Variants in GAK observed in about 807,000 individuals in gnomAD.
GAK encodes cyclin G associated kinase.
Under a neutral mutation model 143.9 loss-of-function variants are expected in GAK, and 79 were observed. That is an observed-to-expected ratio of 0.55 (90% CI 0.46 to 0.66). GAK has a LOEUF of 0.66. Ranked by LOEUF, GAK falls within the 30% of genes least tolerant of loss-of-function variation. The pLI is 0.00. For synonymous variants in GAK, 881 were observed against 765.5 expected, an observed-to-expected ratio of 1.15 and a Z score of -2.49; for missense variants, 1,693 against 1,779.7, an observed-to-expected ratio of 0.95 and a Z score of 0.88.
At chr4:876,714 G>T in intron 17 of GAK, 105 bp from the exon 18 acceptor site, 2 of 986,356 alleles carry the variant, frequency 2.0e-6, no homozygotes, top group Non-Finnish European at 3.2e-6. Context: ...GGCTCATGGT[G>T]CTGGAGGCAT....
At chr4:882,193 C>T (rs1277541902) in intron 14 of GAK, among the ~76,000 whole-genome samples, 153 bp from the exon 15 acceptor site, 1 of 152,226 alleles carries the variant, frequency 6.6e-6, no homozygotes, top group Non-Finnish European at 1.5e-5. Context: ...ACATAACGTG[C>T]CTGCCGAGGC....
intron 24 of GAK, among the ~76,000 whole-genome samples, chr4:858,966 G>A (rs1411044859): frequency 6.6e-6 from 1 of 152,196 alleles, no homozygotes; most frequent in Non-Finnish European, 1.5e-5. Context: ...CATTCCACCC[G>A]ACGGCCAGGC....
chr4:883,953 C>G, intron 12 of GAK, 84 bp downstream of exon 12: 1 of 1,319,402 alleles, frequency 7.6e-7, no homozygotes, highest in South Asian at 1.2e-5. Flanking sequence ...GCAGAGGCAC[C>G]TGTGCCCTGA....
intron 1 of GAK, among the ~76,000 whole-genome samples, chr4:929,425 T>A (rs1177295806): frequency 6.6e-6 from 1 of 152,158 alleles, no homozygotes; most frequent in Middle Eastern, 3.2e-3. Flanking sequence ...GAAGGTGGAT[T>A]TCCCTGCAGT....
chr4:868,790 G>C (rs1711633390), intron 19 of GAK, 105 bp from the exon 20 acceptor site: 1 of 1,177,026 alleles, frequency 8.5e-7, no homozygotes. Flanking sequence ...CAGCACCGTG[G>C]CAGGCCAGGC....
In GAK at chr4:875,463, C is replaced by A. The variant is rs201008105; in HGVS notation, c.2054+1067G>T. On this transcript the variant is annotated intron_variant, in intron 18 of 27. Transcript: ENST00000314167. ...CCTGAGCTCACCCAGGCCAGGCCAG[C>A]ACCCCTCCCAAGGTGCAGAGTCCGC... 1.6e-4 allele frequency among the ~76,000 whole-genome samples: 24 copies of A among 152,378 alleles called. No homozygotes were observed. In the East Asian group the frequency reaches 4.4e-3, roughly 28 times the overall value.
chr4:926,309 T>C (rs972865376), intron 1 of GAK, among the ~76,000 whole-genome samples: 7 of 152,306 alleles, frequency 4.6e-5, no homozygotes, highest in South Asian at 2.1e-4. Context: ...TGAAGTGGTG[T>C]TGGCCTGTCA....
intron 4 of GAK, among the ~76,000 whole-genome samples, chr4:905,353 A>G (rs962810704): frequency 1.3e-5 from 2 of 152,202 alleles, no homozygotes; most frequent in Admixed American, 1.3e-4. Flanking sequence ...ACTTGCAGTC[A>G]CGACTCTCTA....
At chr4:912,198 G>C (rs1281569741) in intron 3 of GAK, 1 of 454,950 alleles carries the variant, frequency 2.2e-6, no homozygotes, top group Admixed American at 2.3e-5. Flanking sequence ...GAGAGGCAGA[G>C]TCTGAGGGCA....
At chr4:913,723 G>T in intron 1 of GAK, 55 bp from the exon 2 acceptor site, 1 of 1,435,436 alleles carries the variant, frequency 7.0e-7, no homozygotes, top group South Asian at 1.2e-5. Context: ...TAACATATCA[G>T]GCTTTAAAAA....
At chr4:851,168 GCT>G in intron 25 of GAK, 84 bp from the exon 26 acceptor site, 1 of 1,221,458 alleles carries the variant, frequency 8.2e-7, no homozygotes, top group Non-Finnish European at 1.2e-6. Context: ...CGTGATCTCA[GCT>G]CTCTGCAGCC....
At chr4:858,123 G>A (rs1396478462) in intron 24 of GAK, among the ~76,000 whole-genome samples, 1 of 152,234 alleles carries the variant, frequency 6.6e-6, no homozygotes, top group Non-Finnish European at 1.5e-5. Flanking sequence ...TGTGGAGGAG[G>A]CTCCCACGGT....
intron 9 of GAK, among the ~76,000 whole-genome samples, chr4:891,571 G>A (rs940020610): frequency 4.6e-5 from 7 of 152,042 alleles, no homozygotes; most frequent in Admixed American, 3.3e-4. Flanking sequence ...CGGGGTCCCG[G>A]CCTAGAAGCA....
At chr4:904,240 GGGC>G (rs1371145612) in intron 5 of GAK, among the ~76,000 whole-genome samples, 3 of 144,902 alleles carry the variant, frequency 2.1e-5, no homozygotes, top group African/African-American at 7.9e-5. Context: ...TGTGGATGAT[GGGC>G]GGCTCCTAAC....
At chr4:859,565 A>G (rs770744022) in intron 24 of GAK, 41 bp downstream of exon 24, 1 of 1,586,884 alleles carries the variant, frequency 6.3e-7, no homozygotes, top group East Asian at 2.3e-5. Context: ...ACCTCCTACA[A>G]GGAAACAGCT....
chr4:851,714 T>G (rs1002845993), intron 25 of GAK, 36 bp downstream of exon 25: 1 of 1,598,972 alleles, frequency 6.3e-7, no homozygotes, highest in Non-Finnish European at 8.6e-7. Flanking sequence ...GGGAGGTCTC[T>G]GCAAACTCCA....
At chr4:903,117 A>T (rs536652308) in intron 5 of GAK, among the ~76,000 whole-genome samples, 1 of 149,854 alleles carries the variant, frequency 6.7e-6, no homozygotes, top group East Asian at 1.9e-4. Flanking sequence ...CACGGAGCGC[A>T]GGCCCAGCCC....
At chr4:858,803 G>T (rs1204919628) in intron 24 of GAK, among the ~76,000 whole-genome samples, 1 of 152,296 alleles carries the variant, frequency 6.6e-6, no homozygotes, top group East Asian at 1.9e-4. Flanking sequence ...GGAATTTGAG[G>T]CACTCAGGGA....
intron 5 of GAK, among the ~76,000 whole-genome samples, chr4:901,479 G>T (rs78651370): frequency 0.035 from 5,326 of 152,380 alleles, 188 homozygotes; most frequent in East Asian, 0.19. Flanking sequence ...ACGAGCAGAC[G>T]CTGGAGAGGA....
Sources: gnomAD v4.1 joint callset for allele counts (sites outside exome capture counted in the v4.1 genomes callset) on GRCh38, gnomAD v4.1.1 for gene constraint, MANE v1.5 for transcripts, NCBI Gene and HGNC (gene_info 2026-07-23, HGNC 2026-07-21) for gene names.